Variants in CFAP58 observed in about 807,000 individuals in gnomAD.
CFAP58 encodes the protein cilia and flagella associated protein 58.
Under a neutral mutation model 119.5 loss-of-function variants are expected in CFAP58, and 88 were observed. The ratio of observed to expected loss-of-function variants is 0.74; its 90% CI spans 0.62 to 0.88. CFAP58 has a LOEUF of 0.88. Ranked by LOEUF, CFAP58 falls within the 40% of genes least tolerant of loss-of-function variation. CFAP58 has a pLI of 0.00. For missense variants in CFAP58, 990 were observed against 1,021.2 expected, an observed-to-expected ratio of 0.97 and a Z score of 0.42; for synonymous variants, 365 against 366.3, an observed-to-expected ratio of 1.00 and a Z score of 0.04.
rs74157105 is a variant in CFAP58 at position 104,422,361 on chromosome 10, T to C, written c.2256+15568T>C. 9.1e-3 allele frequency among the ~76,000 whole-genome samples: 1,393 copies of C among 152,306 alleles called. 25 individuals are homozygous for C. Among genetic ancestry groups the C allele is most frequent in the African/African-American group, 0.032 (1,324 of 41,560 alleles). On this transcript the variant is annotated intron_variant, in intron 15 of 17. Coordinates refer to ENST00000369704, the MANE Select transcript of CFAP58 (RefSeq NM_001008723.2). ...TTTCCTTCCATGGTGTCTGACCCTT[T>C]AGTTACTGTGCCCATGAGTTAGGCC...
chr10:104,407,691 A>ATAAT (rs1035055049), intron 15 of CFAP58, among the ~76,000 whole-genome samples: 16 of 152,254 alleles, frequency 1.1e-4, no homozygotes, highest in Middle Eastern at 3.4e-3. Flanking sequence ...TCCAAAACCC[A>ATAAT]TAATTAATTA....
intron 9 of CFAP58, among the ~76,000 whole-genome samples, chr10:104,381,061 G>T (rs1245575747): frequency 2.0e-5 from 3 of 152,110 alleles, no homozygotes; most frequent in South Asian, 4.1e-4. Flanking sequence ...GCGGTAGGAG[G>T]AACGCTTGAG....
chr10:104,452,998 A>G (rs774458124), intron 17 of CFAP58, among the ~76,000 whole-genome samples: 1 of 152,242 alleles, frequency 6.6e-6, no homozygotes, highest in Non-Finnish European at 1.5e-5. Context: ...TATAGACTGG[A>G]AAGAAGAAGG....
chr10:104,339,335 AAACGAGAG>A, the CFAP58 span, among the ~76,000 whole-genome samples: 1 of 152,226 alleles, frequency 6.6e-6, no homozygotes, highest in African/African-American at 2.4e-5. Context: ...CCTATGTTAG[AAACGAGAG>A]AACTGAGGCC....
At chr10:104,442,945 A>G (rs1048408740) in intron 15 of CFAP58, among the ~76,000 whole-genome samples, 2 of 152,252 alleles carry the variant, frequency 1.3e-5, no homozygotes, top group Non-Finnish European at 2.9e-5. Context: ...CTCAACACAA[A>G]TATATCTGTA....
chr10:104,375,105 T>C (rs892973737), intron 7 of CFAP58, among the ~76,000 whole-genome samples: 1 of 151,538 alleles, frequency 6.6e-6, no homozygotes, highest in Non-Finnish European at 1.5e-5. Context: ...AAAACCAAGA[T>C]TGAGAGATTA....
intron 15 of CFAP58, among the ~76,000 whole-genome samples, chr10:104,426,466 C>A (rs1478808065): frequency 6.6e-6 from 1 of 151,772 alleles, no homozygotes; most frequent in East Asian, 1.9e-4. Context: ...TCCCTCCCCA[C>A]TCCCCCCAGC....
At chr10:104,406,295 A>C (rs1049029988) in intron 14 of CFAP58, among the ~76,000 whole-genome samples, 13 of 152,164 alleles carry the variant, frequency 8.5e-5, no homozygotes, top group African/African-American at 3.1e-4. Context: ...TAAAAGGAGA[A>C]GACATACTGT....
At chr10:104,399,889 A>G (rs1005174598) in intron 12 of CFAP58, among the ~76,000 whole-genome samples, 3 of 152,192 alleles carry the variant, frequency 2.0e-5, no homozygotes, top group African/African-American at 4.8e-5. Context: ...ATGTCGGCAC[A>G]TTACCCATCC....
Position 104,449,989 on chromosome 10 carries a change from G to A in CFAP58, c.2377-82G>A, listed in dbSNP as rs1188830844. ...ATTGTTTTGCACCTCTAGCTCCACTGCGGTAAATGGTAGCAGATTAAAAGA... is the reference window on the plus strand; with the variant it reads ...ATTGTTTTGCACCTCTAGCTCCACTACGGTAAATGGTAGCAGATTAAAAGA... On this transcript the variant is annotated intron_variant, in intron 16 of 17. Coordinates refer to ENST00000369704, the MANE Select transcript of CFAP58 (RefSeq NM_001008723.2). 23 of 1,381,082 alleles carry A rather than the reference G, an allele frequency of 1.7e-5. No individual in the cohort carries two copies. In the East Asian group the frequency reaches 5.1e-4, roughly 31 times the overall value. The allele number at this position is 1,381,082 out of a possible 1,614,324, so 85.6% of individuals were successfully genotyped here.
Position 104,423,640 on chromosome 10 carries a change from A to G in CFAP58, c.2256+16847A>G, listed in dbSNP as rs190474091. 3.3e-4 allele frequency among the ~76,000 whole-genome samples: 50 copies of G among 152,310 alleles called. No individual in the cohort carries two copies. The East Asian group carries it at 8.7e-3, about 26-fold the overall frequency. Reference sequence around the variant, plus strand: ...AGAGTCCAAAGGAAACATTTTCAATAAAGAATTTCTCAGTGGAACATTTAG... The same window carrying G: ...AGAGTCCAAAGGAAACATTTTCAATGAAGAATTTCTCAGTGGAACATTTAG... On this transcript the variant is annotated intron_variant, in intron 15 of 17. Coordinates refer to ENST00000369704, the MANE Select transcript of CFAP58 (RefSeq NM_001008723.2).
chr10:104,344,657 G>A, the CFAP58 span, among the ~76,000 whole-genome samples: 1 of 151,126 alleles, frequency 6.6e-6, no homozygotes, highest in Non-Finnish European at 1.5e-5. Context: ...ATTCTAAAAT[G>A]CAATGGTATC....
At chr10:104,445,942 C>A (rs1016451014) in intron 15 of CFAP58, among the ~76,000 whole-genome samples, 2 of 152,178 alleles carry the variant, frequency 1.3e-5, no homozygotes, top group Admixed American at 1.3e-4. Context: ...TTATTATATT[C>A]CAAACCAGAT....
At chr10:104,355,412 G>T (rs1327850014) in intron 1 of CFAP58, among the ~76,000 whole-genome samples, 1 of 152,148 alleles carries the variant, frequency 6.6e-6, no homozygotes, top group Non-Finnish European at 1.5e-5. Context: ...CACTATTATG[G>T]ATTAGTTATT....
At chr10:104,450,296 C>T in intron 17 of CFAP58, 92 bp downstream of exon 17, 1 of 1,283,972 alleles carries the variant, frequency 7.8e-7, no homozygotes, top group South Asian at 1.3e-5. Context: ...GCAAGTTTCA[C>T]TGGGGTAAAC....
At chr10:104,375,780 G>A (rs1021713757) in intron 7 of CFAP58, among the ~76,000 whole-genome samples, 6 of 151,542 alleles carry the variant, frequency 4.0e-5, no homozygotes, top group Admixed American at 2.0e-4. Context: ...AAACGGGGGT[G>A]GATGGGGTCG....
At chr10:104,432,738 T>G (rs569881031) in intron 15 of CFAP58, among the ~76,000 whole-genome samples, 2 of 152,332 alleles carry the variant, frequency 1.3e-5, no homozygotes, top group African/African-American at 4.8e-5. Flanking sequence ...CCTGACCTTG[T>G]GATCTGCCTG....
At chr10:104,386,572 T>C (rs1161551201) in intron 9 of CFAP58, among the ~76,000 whole-genome samples, 1 of 152,160 alleles carries the variant, frequency 6.6e-6, no homozygotes, top group Non-Finnish European at 1.5e-5. Context: ...TTGGCTCCCC[T>C]CTGGCAGTTG....
At chr10:104,425,820 C>T (rs1048340370) in intron 15 of CFAP58, among the ~76,000 whole-genome samples, 11 of 152,206 alleles carry the variant, frequency 7.2e-5, no homozygotes, top group Non-Finnish European at 1.5e-4. Context: ...AAGACTGAGG[C>T]CAGAGACTGA....
Sources: allele counts gnomAD v4.1 joint callset (sites outside exome capture counted in the v4.1 genomes callset), GRCh38; gene constraint gnomAD v4.1.1; transcripts MANE v1.5; gene names NCBI Gene and HGNC (gene_info 2026-07-23, HGNC 2026-07-21).